The following NOL4 variants were observed in gnomAD, a reference collection of about 807,000 sequenced individuals.
The protein encoded by NOL4 is nucleolar protein 4, also known as cancer/testis antigen 125.
A neutral mutation model predicts 75.9 loss-of-function variants in NOL4; 17 were observed. The ratio of observed to expected loss-of-function variants is 0.22; its 90% CI spans 0.15 to 0.34. NOL4 has a LOEUF of 0.34. NOL4 is among the 10% of genes least tolerant of loss of function. NOL4 has a pLI of 1.00. For synonymous variants in NOL4, 292 were observed against 289.9 expected (o/e 1.01, Z -0.07); for missense variants, 614 against 793.5 (o/e 0.77, Z 2.72).
At chr18:34,183,368 G>A (rs1056116707) in intron 1 of NOL4, 1 of 151,796 alleles carries the variant, frequency 6.6e-6, no homozygotes, top group Non-Finnish European at 1.5e-5. Flanking sequence ...TATAATGGAG[G>A]ATTAAAAACT....
Position 34,193,490 on chromosome 18 carries a change from G to A in NOL4, c.264+29500C>T, listed in dbSNP as rs569685852. On this transcript the variant is annotated intron_variant, in intron 1 of 10. Coordinates refer to ENST00000261592, the MANE Select transcript of NOL4 (RefSeq NM_003787.5). ...CAGCCAATATGAATATCAGGATAAC[G>A]CTCAAAATCACTAATCATCAGATAA... is the stretch of plus-strand genomic sequence containing the variant. 1.9e-3 allele frequency among the ~76,000 whole-genome samples: 285 copies of A among 152,116 alleles called. 1 individual carries two copies. The highest frequency in any genetic ancestry group is 6.5e-3 in the African/African-American group (271 of 41,484).
At chr18:34,046,603 T>TATAC (rs2076376103) in intron 5 of NOL4, among the ~76,000 whole-genome samples, 1 of 88,326 alleles carries the variant, frequency 1.1e-5, no homozygotes, top group Non-Finnish European at 2.2e-5. Flanking sequence ...ACTATTTACT[T>TATAC]ATACATATAT....
At chr18:34,196,953 C>T (rs1449649224) in intron 1 of NOL4, among the ~76,000 whole-genome samples, 2 of 152,024 alleles carry the variant, frequency 1.3e-5, no homozygotes, top group East Asian at 1.9e-4. Context: ...GTTGATTTTG[C>T]CATCTCTTTG....
intron 2 of NOL4, among the ~76,000 whole-genome samples, chr18:34,116,943 A>C (rs746841645): frequency 5.3e-5 from 8 of 152,192 alleles, no homozygotes; most frequent in Non-Finnish European, 1.2e-4. Flanking sequence ...GTTTCTAACT[A>C]TTCAGTTTGT....
rs2145544443 is a variant in NOL4, at chr18:33,940,670, G to A, written c.1542+2395C>T. On this transcript the variant is annotated intron_variant, in intron 9 of 10. Coordinates refer to ENST00000261592, the MANE Select transcript of NOL4 (RefSeq NM_003787.5). ...TATGTAACCTGCACGTTCTGCACAT[G>A]TATCCCAGAACTTAAAGTACAAAAA... Among the ~76,000 whole-genome samples, 3 of 151,904 alleles carry A rather than the reference G, an allele frequency of 2.0e-5. No homozygotes were observed. In the South Asian group the frequency reaches 6.2e-4, roughly 32 times the overall value.
intron 5 of NOL4, among the ~76,000 whole-genome samples, chr18:34,036,924 T>C (rs184849907): frequency 6.6e-6 from 1 of 152,176 alleles, no homozygotes; most frequent in Non-Finnish European, 1.5e-5. Context: ...AGAGTGAGAC[T>C]CCATCTTAAA....
In NOL4 at chr18:33,954,385, G is replaced by A. The variant is rs1600032790; in HGVS notation, c.1428+2941C>T. Reference sequence around the variant, plus strand: ...ACACAGTGGTGAGAACCATAGTCTGGATAATCTGAATGTAAGGGACTACTG... The same window carrying A: ...ACACAGTGGTGAGAACCATAGTCTGAATAATCTGAATGTAAGGGACTACTG... On this transcript the variant is annotated intron_variant, in intron 8 of 10. Transcript: ENST00000261592. 2.0e-5 allele frequency among the ~76,000 whole-genome samples: 3 copies of A among 152,060 alleles called. No individual in the cohort carries two copies. The South Asian group carries it at 6.2e-4, about 32-fold the overall frequency.
intron 6 of NOL4, among the ~76,000 whole-genome samples, chr18:34,011,718 C>A (rs1335076000): frequency 6.6e-6 from 1 of 151,754 alleles, no homozygotes; most frequent in Non-Finnish European, 1.5e-5. Context: ...TAGACAACTT[C>A]TTTTTGAGGT....
chr18:34,091,327 C>T (rs1165368813), intron 5 of NOL4, among the ~76,000 whole-genome samples: 4 of 152,044 alleles, frequency 2.6e-5, no homozygotes, highest in Non-Finnish European at 4.4e-5. Flanking sequence ...CACTCCACTA[C>T]ACTCCAGCCT....
intron 9 of NOL4, among the ~76,000 whole-genome samples, chr18:33,904,195 C>T (rs1186948364): frequency 6.6e-6 from 1 of 152,046 alleles, no homozygotes; most frequent in South Asian, 2.1e-4. Flanking sequence ...GGGTCTAACT[C>T]TCTTTGCCAT....
At chr18:34,218,423 G>A (rs1208391725) in intron 1 of NOL4, among the ~76,000 whole-genome samples, 1 of 152,210 alleles carries the variant, frequency 6.6e-6, no homozygotes, top group Non-Finnish European at 1.5e-5. Context: ...CAAGAAATAA[G>A]TGTGGGATAG....
At chr18:34,100,454 C>T (rs1173271020) in intron 4 of NOL4, among the ~76,000 whole-genome samples, 1 of 152,170 alleles carries the variant, frequency 6.6e-6, no homozygotes, top group East Asian at 1.9e-4. Flanking sequence ...TTGTAAAGAA[C>T]ACCATTGACT....
chr18:34,007,365 C>T (rs1401410906), intron 6 of NOL4, among the ~76,000 whole-genome samples: 1 of 151,932 alleles, frequency 6.6e-6, no homozygotes, highest in Non-Finnish European at 1.5e-5. Flanking sequence ...CTACTAATAA[C>T]CCATACTCTT....
Position 33,967,471 on chromosome 18 carries a change from G to T in NOL4, c.1057-9053C>A, listed in dbSNP as rs191085345. On this transcript the variant is annotated intron_variant, in intron 6 of 10. Transcript: ENST00000261592. ...AACAAAAACAAAAATTGACAAGTGG[G>T]ACCCAAATAAACTAAAGAGCTTCTG... Among the ~76,000 whole-genome samples, 853 of 152,238 alleles carry T rather than the reference G, an allele frequency of 5.6e-3. 7 individuals carry two copies. The highest frequency in any genetic ancestry group is 7.5e-3 in the Non-Finnish European group (508 of 68,020).
intron 5 of NOL4, among the ~76,000 whole-genome samples, chr18:34,034,803 A>T (rs1267498092): frequency 1.3e-5 from 2 of 151,904 alleles, no homozygotes. Flanking sequence ...CTATATTTAC[A>T]TCAGATAAAA....
At chr18:33,921,525 G>A (rs117304690) in intron 9 of NOL4, among the ~76,000 whole-genome samples, 2,088 of 152,226 alleles carry the variant, frequency 0.014, 26 homozygotes, top group Non-Finnish European at 0.023. Context: ...ACTGAATTAG[G>A]GTGGACCCTA....
chr18:33,966,520 G>A (rs2070609470), intron 6 of NOL4, among the ~76,000 whole-genome samples: 1 of 152,116 alleles, frequency 6.6e-6, no homozygotes, highest in Non-Finnish European at 1.5e-5. Context: ...CTTTGCAGAT[G>A]ATATTATTCT....
At chr18:33,914,755 A>T (rs1426119622) in intron 9 of NOL4, among the ~76,000 whole-genome samples, 1 of 152,132 alleles carries the variant, frequency 6.6e-6, no homozygotes, top group African/African-American at 2.4e-5. Context: ...GGTCAGGCCA[A>T]CTGTAAGAAT....
chr18:33,928,955 T>C (rs1320537695), intron 9 of NOL4, among the ~76,000 whole-genome samples: 1 of 152,138 alleles, frequency 6.6e-6, no homozygotes. Context: ...CATTATTGCT[T>C]TTTGGCATAT....
Sources: allele counts gnomAD v4.1 joint callset (sites outside exome capture counted in the v4.1 genomes callset), GRCh38; gene constraint gnomAD v4.1.1; transcripts MANE v1.5; gene names NCBI Gene and HGNC (gene_info 2026-07-23, HGNC 2026-07-21).